Variants in NEBL observed in about 807,000 individuals in gnomAD.
NEBL encodes the protein LIM and SH3 protein 2.
A neutral mutation model predicts 140.2 loss-of-function variants in NEBL; 122 were observed. The observed-to-expected ratio is 0.87, with a 90% CI of 0.75 to 1.01. The LOEUF (loss-of-function observed/expected upper bound fraction) is 1.01. Among genes scored for constraint, NEBL ranks in the 50% least tolerant of loss-of-function variants. The probability of loss-of-function intolerance (pLI) is 0.00; values close to 1 mark genes in which losing one functional copy is unlikely to be tolerated. For missense variants in NEBL, 1,365 were observed against 1,231.3 expected (o/e 1.11, Z -1.62); for synonymous variants, 436 against 398.9 (o/e 1.09, Z -1.11).
intron 3 of NEBL, among the ~76,000 whole-genome samples, chr10:21,219,646 G>C (rs2132243657): frequency 6.6e-6 from 1 of 152,256 alleles, no homozygotes; most frequent in African/African-American, 2.4e-5. Context: ...TTTTGATAGA[G>C]ATTGCATTGA....
intron 26 of NEBL, among the ~76,000 whole-genome samples, chr10:20,790,019 G>T (rs1488544395): frequency 1.3e-5 from 2 of 151,058 alleles, no homozygotes; most frequent in African/African-American, 4.9e-5. Flanking sequence ...ACTTATATCT[G>T]ACTTTGAAAG....
In NEBL at chr10:21,064,990, G is replaced by A. The variant is rs7082232; in HGVS notation, c.165-44789C>T. 4.9e-3 allele frequency among the ~76,000 whole-genome samples: 749 copies of A among 152,246 alleles called. 9 individuals are homozygous for A. The highest frequency in any genetic ancestry group is 0.017 in the African/African-American group (715 of 41,552). The stretch of plus-strand genomic sequence containing the variant: ...GAAGGGTATTGTAACTGGTTTTAGG[G>A]AAGGTGTGTTGGAATACATATTTAA... On this transcript the variant is annotated intron_variant, in intron 2 of 6. Transcript: ENST00000417816.
intron 3 of NEBL, among the ~76,000 whole-genome samples, chr10:20,993,291 C>A (rs1336183757): frequency 6.6e-6 from 1 of 152,066 alleles, no homozygotes; most frequent in Admixed American, 6.6e-5. Context: ...GCAAAAGATA[C>A]CACTAAGTTA....
chr10:21,069,331 G>C (rs1362371566), intron 2 of NEBL, among the ~76,000 whole-genome samples: 1 of 152,208 alleles, frequency 6.6e-6, no homozygotes, highest in Non-Finnish European at 1.5e-5. Context: ...TTTATGGCAG[G>C]CACACAATTC....
intron 3 of NEBL, among the ~76,000 whole-genome samples, chr10:21,196,569 T>A (rs954841999): frequency 3.9e-5 from 6 of 152,032 alleles, no homozygotes; most frequent in African/African-American, 1.4e-4. Flanking sequence ...GGTCTCGAAC[T>A]CCTGACCTCC....
intron 2 of NEBL, among the ~76,000 whole-genome samples, chr10:20,890,858 A>G (rs1488162479): frequency 1.3e-5 from 2 of 152,262 alleles, no homozygotes; most frequent in Admixed American, 6.5e-5. Flanking sequence ...TGGGAAGGCA[A>G]AACTATGACT....
chr10:20,823,335 T>C (rs764339315), intron 18 of NEBL, 35 bp from the exon 19 acceptor site: 1 of 1,468,370 alleles, frequency 6.8e-7, no homozygotes, highest in Non-Finnish European at 9.5e-7. Context: ...GTTAACTTTA[T>C]TCTATGCAAG....
At chr10:20,846,707 A>C (rs1308998212) in intron 11 of NEBL, among the ~76,000 whole-genome samples, 1 of 152,214 alleles carries the variant, frequency 6.6e-6, no homozygotes, top group Non-Finnish European at 1.5e-5. Flanking sequence ...ATGGTGAAAT[A>C]GAAATATGTC....
chr10:21,044,342 A>T (rs2131837882), intron 2 of NEBL, among the ~76,000 whole-genome samples: 1 of 130,924 alleles, frequency 7.6e-6, no homozygotes, highest in South Asian at 2.7e-4. Flanking sequence ...GGTTGAAGTG[A>T]GCTGAGATGG....
intron 3 of NEBL, among the ~76,000 whole-genome samples, chr10:21,002,567 G>C (rs926068932): frequency 2.0e-5 from 3 of 152,182 alleles, no homozygotes; most frequent in African/African-American, 7.2e-5. Context: ...AAGACAAGAG[G>C]TTTAACTGGC....
chr10:20,894,577 A>T (rs1847285539), intron 2 of NEBL, among the ~76,000 whole-genome samples: 1 of 152,024 alleles, frequency 6.6e-6, no homozygotes, highest in Admixed American at 6.6e-5. Context: ...CAAGTATAGA[A>T]TTCTATTCGG....
At chr10:21,188,237 G>A (rs60771061) in intron 3 of NEBL, among the ~76,000 whole-genome samples, 272 of 152,184 alleles carry the variant, frequency 1.8e-3, no homozygotes, top group African/African-American at 6.1e-3. Flanking sequence ...TTCTGTGGAC[G>A]GGAGTAGCAA....
At chr10:21,061,470 A>G (rs1230949859) in intron 2 of NEBL, among the ~76,000 whole-genome samples, 3 of 148,406 alleles carry the variant, frequency 2.0e-5, no homozygotes, top group East Asian at 3.9e-4. Flanking sequence ...TATATGATAT[A>G]TCATATATTA....
intron 2 of NEBL, among the ~76,000 whole-genome samples, chr10:21,110,379 G>T (rs1049183217): frequency 6.6e-6 from 1 of 152,068 alleles, no homozygotes; most frequent in South Asian, 2.1e-4. Context: ...TTCATAGTAT[G>T]CATTCAAGAA....
chr10:20,883,033 T>G (rs983676124), intron 4 of NEBL, among the ~76,000 whole-genome samples: 4 of 152,176 alleles, frequency 2.6e-5, no homozygotes, highest in Non-Finnish European at 4.4e-5. Context: ...TGGATTAAAG[T>G]GCTGCACTCC....
At chr10:21,191,263 C>A (rs1841569118) in intron 3 of NEBL, among the ~76,000 whole-genome samples, 1 of 152,144 alleles carries the variant, frequency 6.6e-6, no homozygotes, top group African/African-American at 2.4e-5. Context: ...CTAAGCACTC[C>A]ACATGCATTG....
At chr10:20,878,714 T>A (rs1189990180) in intron 5 of NEBL, among the ~76,000 whole-genome samples, 1 of 152,154 alleles carries the variant, frequency 6.6e-6, no homozygotes, top group Non-Finnish European at 1.5e-5. Flanking sequence ...TAAATCCTAT[T>A]ATATGTACAA....
chr10:20,930,925 T>C (rs185849030), intron 4 of NEBL, among the ~76,000 whole-genome samples: 1 of 152,320 alleles, frequency 6.6e-6, no homozygotes, highest in East Asian at 1.9e-4. Flanking sequence ...ACATCTGCTG[T>C]GTGGACAGTC....
chr10:21,285,735 A>G (rs1055855952), intron 1 of NEBL, among the ~76,000 whole-genome samples: 7 of 152,236 alleles, frequency 4.6e-5, no homozygotes, highest in African/African-American at 1.7e-4. Flanking sequence ...AAGTGTCTAA[A>G]GTCGTTATTA....
Sources: allele counts gnomAD v4.1 joint callset (sites outside exome capture counted in the v4.1 genomes callset), GRCh38; gene constraint gnomAD v4.1.1; transcripts MANE v1.5; gene names NCBI Gene and HGNC (gene_info 2026-07-23, HGNC 2026-07-21).